Variants in ADAMTSL3 observed in about 807,000 individuals in gnomAD.
ADAMTSL3 encodes the protein ADAMTS like 3.
ADAMTSL3 carries 128 observed loss-of-function variants against 201.7 expected under a neutral mutation model. The ratio of observed to expected loss-of-function variants is 0.63; its 90% CI spans 0.55 to 0.73. The LOEUF (loss-of-function observed/expected upper bound fraction) is 0.73. ADAMTSL3 is among the 30% of genes least tolerant of loss of function. ADAMTSL3 has a pLI of 0.00. For missense variants in ADAMTSL3, 1,990 were observed against 2,119.6 expected (o/e 0.94, Z 1.20); for synonymous variants, 738 against 748.4 (o/e 0.99, Z 0.23).
chr15:83,962,283 A>T (rs1353339443), intron 19 of ADAMTSL3: 1 of 152,178 alleles, frequency 6.6e-6, no homozygotes, highest in Non-Finnish European at 1.5e-5. Flanking sequence ...AGTCTTGGGT[A>T]TGTCTTTATT....
intron 3 of ADAMTSL3, among the ~76,000 whole-genome samples, chr15:83,760,887 A>G (rs1227942361): frequency 6.6e-6 from 1 of 152,156 alleles, no homozygotes; most frequent in African/African-American, 2.4e-5. Context: ...TAAACAGAAT[A>G]TAACTGAATT....
intron 23 of ADAMTSL3, among the ~76,000 whole-genome samples, chr15:84,000,487 C>G (rs1328491282): frequency 6.6e-6 from 1 of 152,102 alleles, no homozygotes; most frequent in Non-Finnish European, 1.5e-5. Context: ...TCCATCTTTT[C>G]TTCCCTTCAA....
At chr15:83,770,709 A>G (rs1022130217) in intron 3 of ADAMTSL3, among the ~76,000 whole-genome samples, 2 of 152,176 alleles carry the variant, frequency 1.3e-5, no homozygotes, top group African/African-American at 4.8e-5. Context: ...GTATTTTAAC[A>G]TACATTTCTA....
rs1278746360 is a variant in ADAMTSL3, at chr15:83,982,976, T to C, written c.3348T>C (p.Leu1116=). 1.2e-6 allele frequency: 2 copies of C among 1,614,044 alleles called. No individual in the cohort carries two copies. Among genetic ancestry groups the C allele is most frequent in the East Asian group, 2.2e-5 (1 of 44,884 alleles). ...AAACCGGAGAGGTCAGCGATGATCT[T>C]GCGTCCCAGCTGATATATCAGCTGG... ...LMETGEVSDD[L]ASQLIYQLVA... Residue 1116 remains leucine, a synonymous_variant, in exon 21 of 30, where the codon CTT becomes CTC. Transcript: ENST00000286744.
At chr15:83,872,969 G>A (rs1016540512) in intron 9 of ADAMTSL3, among the ~76,000 whole-genome samples, 2 of 145,438 alleles carry the variant, frequency 1.4e-5, no homozygotes, top group African/African-American at 2.6e-5. Flanking sequence ...ATTTTAGAGG[G>A]GATAACATTT....
chr15:83,703,380 G>T (rs2061801986), intron 2 of ADAMTSL3, among the ~76,000 whole-genome samples: 1 of 152,138 alleles, frequency 6.6e-6, no homozygotes, highest in Admixed American at 6.5e-5. Context: ...ATGAGATTTG[G>T]AGGGGCCAGG....
At chr15:83,986,015 C>T (rs2067468435) in intron 21 of ADAMTSL3, among the ~76,000 whole-genome samples, 1 of 151,936 alleles carries the variant, frequency 6.6e-6, no homozygotes, top group Non-Finnish European at 1.5e-5. Flanking sequence ...ATTACTGGTA[C>T]ACTTCAATAT....
At chr15:83,959,700 T>A (rs1704486089) in intron 19 of ADAMTSL3, among the ~76,000 whole-genome samples, 1 of 152,224 alleles carries the variant, frequency 6.6e-6, no homozygotes, top group Non-Finnish European at 1.5e-5. Flanking sequence ...TCCTGAGGAA[T>A]CCACGAGATG....
chr15:84,011,699 CAAG>C (rs2068008993), intron 23 of ADAMTSL3, among the ~76,000 whole-genome samples: 2 of 152,054 alleles, frequency 1.3e-5, no homozygotes, highest in African/African-American at 2.4e-5. Context: ...CCTTAAAAAA[CAAG>C]AAAATCAATT....
At chr15:83,977,459 A>G (rs983759544) in intron 20 of ADAMTSL3, among the ~76,000 whole-genome samples, 4 of 152,200 alleles carry the variant, frequency 2.6e-5, no homozygotes, top group Non-Finnish European at 4.4e-5. Flanking sequence ...GCATTAACCT[A>G]GAGTTGTTAG....
At chr15:83,874,482 T>C (rs2065141496) in intron 9 of ADAMTSL3, among the ~76,000 whole-genome samples, 1 of 143,728 alleles carries the variant, frequency 7.0e-6, no homozygotes, top group Non-Finnish European at 1.5e-5. Context: ...GGGGGTGACA[T>C]GGTGCTGGCA....
In ADAMTSL3 at chr15:83,942,957, C is replaced by T; in HGVS notation, c.2365C>T (p.Leu789=). 1 of 1,613,870 alleles carries T rather than the reference C, an allele frequency of 6.2e-7. No individual in the cohort carries two copies. The change falls in exon 19 of 30, where the codon CTG becomes TTG. Residue 789 remains leucine, a synonymous_variant. Transcript: ENST00000286744. ...TQNRRVTCRQ[L]LTDGSFLNLS... Reference sequence around the variant, plus strand: ...GAACAGAAGAGTCACCTGTCGGCAGCTGCTAACGGATGGCAGCTTTTTGAA... The same window carrying T: ...GAACAGAAGAGTCACCTGTCGGCAGTTGCTAACGGATGGCAGCTTTTTGAA...
intron 3 of ADAMTSL3, among the ~76,000 whole-genome samples, chr15:83,769,187 A>G (rs2062938610): frequency 6.6e-6 from 1 of 152,188 alleles, no homozygotes; most frequent in African/African-American, 2.4e-5. Context: ...GGGAATAAAA[A>G]CAAATTAAAA....
intron 7 of ADAMTSL3, among the ~76,000 whole-genome samples, chr15:83,841,915 C>T (rs368655508): frequency 3.0e-4 from 45 of 151,882 alleles, no homozygotes; most frequent in East Asian, 2.8e-3. Flanking sequence ...ACACAGACGC[C>T]GACAGGCCAT....
chr15:83,911,693 T>G (rs1427953564), intron 15 of ADAMTSL3, among the ~76,000 whole-genome samples: 2 of 152,216 alleles, frequency 1.3e-5, no homozygotes, highest in Admixed American at 1.3e-4. Context: ...GTAATGGCAT[T>G]TCATTCTGCT....
chr15:83,909,198 C>T (rs2065892126), intron 15 of ADAMTSL3, among the ~76,000 whole-genome samples: 1 of 152,130 alleles, frequency 6.6e-6, no homozygotes, highest in Admixed American at 6.5e-5. Context: ...CCAAAGTAAT[C>T]TGGGATTATC....
At chr15:83,713,106 A>G (rs2061954509) in intron 3 of ADAMTSL3, among the ~76,000 whole-genome samples, 1 of 152,066 alleles carries the variant, frequency 6.6e-6, no homozygotes. Flanking sequence ...CCTTCTATGC[A>G]TGATTTTCCT....
rs770110047 is a variant in ADAMTSL3 at position 83,890,224 on chromosome 15, C to T, written c.1188C>T (p.Cys396=). ...NVKPKPKLKE[C]SMDPCPSSDG... is the part of the protein sequence containing the mutation. ...AACCAAAACCAAAACTGAAGGAATG[C>T]AGCATGGATCCCTGCCCATCAAGGT... is the stretch of plus-strand genomic sequence containing the variant. The change falls in exon 11 of 30, where the codon TGC becomes TGT. Residue 396 remains cysteine (C), a synonymous_variant. Coordinates refer to ENST00000286744, the MANE Select transcript of ADAMTSL3 (RefSeq NM_207517.3). 2.5e-6 allele frequency: 4 copies of T among 1,613,916 alleles called. No individual in the cohort carries two copies. The highest frequency in any genetic ancestry group is 1.7e-5 in the Admixed American group (1 of 59,990).
intron 15 of ADAMTSL3, 82 bp from the exon 16 acceptor site, chr15:83,913,010 T>C (rs2065959914): frequency 6.8e-7 from 1 of 1,468,784 alleles, no homozygotes; most frequent in Middle Eastern, 2.5e-4. Context: ...TTTGCCTTCG[T>C]TGAATGTGTC....
Sources: allele counts gnomAD v4.1 joint callset (sites outside exome capture counted in the v4.1 genomes callset), GRCh38; gene constraint gnomAD v4.1.1; transcripts MANE v1.5; gene names NCBI Gene and HGNC (gene_info 2026-07-23, HGNC 2026-07-21).